ANK2: variants seen among roughly 807,000 people sequenced by gnomAD.
ANK2 encodes ankyrin-2.
ANK2 carries 83 observed loss-of-function variants against 360.5 expected under a neutral mutation model. That is an observed-to-expected ratio of 0.23 (90% CI 0.19 to 0.28). The LOEUF (loss-of-function observed/expected upper bound fraction) is 0.28. ANK2 is among the 10% of genes least tolerant of loss of function. The pLI is 1.00. For missense variants in ANK2, 4,201 were observed against 4,795.7 expected (o/e 0.88, Z 3.66); for synonymous variants, 1,740 against 1,759.5 (o/e 0.99, Z 0.28).
intron 1 of ANK2, among the ~76,000 whole-genome samples, chr4:113,095,879 C>A (rs2090827595): frequency 3.3e-5 from 5 of 152,230 alleles, no homozygotes; most frequent in Middle Eastern, 3.4e-3. Context: ...GTCTGGTGAG[C>A]CACTTCGTTG....
chr4:113,217,222 T>C (rs1186030440), intron 4 of ANK2: 2 of 152,118 alleles, frequency 1.3e-5, no homozygotes, highest in Non-Finnish European at 2.9e-5. Flanking sequence ...ATATGAGAAC[T>C]CCCATCTCTA....
At chr4:113,172,596 G>T (rs960331003) in intron 1 of ANK2, among the ~76,000 whole-genome samples, 1 of 152,094 alleles carries the variant, frequency 6.6e-6, no homozygotes, top group Non-Finnish European at 1.5e-5. Flanking sequence ...TAAACCCTCA[G>T]TAAATGTTAC....
At chr4:113,275,239 A>T (rs1252870322) in intron 15 of ANK2, among the ~76,000 whole-genome samples, 1 of 152,216 alleles carries the variant, frequency 6.6e-6, no homozygotes, top group African/African-American at 2.4e-5. Flanking sequence ...ATTGACATCG[A>T]GCAAAGAATT....
At chr4:113,212,348 T>A (rs1425504976) in intron 4 of ANK2, among the ~76,000 whole-genome samples, 1 of 152,242 alleles carries the variant, frequency 6.6e-6, no homozygotes, top group Non-Finnish European at 1.5e-5. Flanking sequence ...AGTAATTGAC[T>A]AAACATGGTA....
At chr4:113,023,124 TTAAAA>T (rs1481857773) in intron 2 of ANK2, among the ~76,000 whole-genome samples, 3 of 152,136 alleles carry the variant, frequency 2.0e-5, no homozygotes, top group African/African-American at 7.2e-5. Context: ...ATCCTGGAAC[TTAAAA>T]TAAAATAAAA....
intron 1 of ANK2, among the ~76,000 whole-genome samples, chr4:113,120,630 A>G (rs1179429428): frequency 6.6e-6 from 1 of 152,126 alleles, no homozygotes; most frequent in Non-Finnish European, 1.5e-5. Flanking sequence ...TCAGGGGTAC[A>G]TGTTCAGGAT....
intron 1 of ANK2, among the ~76,000 whole-genome samples, chr4:113,158,775 G>A (rs1362867305): frequency 6.6e-6 from 1 of 152,240 alleles, no homozygotes; most frequent in Admixed American, 6.5e-5. Context: ...TAGAGATGAG[G>A]TATCTATGGT....
intron 1 of ANK2, among the ~76,000 whole-genome samples, chr4:112,895,050 T>C (rs1407811807): frequency 6.6e-6 from 1 of 152,186 alleles, no homozygotes; most frequent in Non-Finnish European, 1.5e-5. Context: ...TTGTAAAGCC[T>C]CTCCTGATGG....
intron 2 of ANK2, among the ~76,000 whole-genome samples, chr4:113,006,910 C>A (rs1261705742): frequency 6.6e-6 from 1 of 152,032 alleles, no homozygotes; most frequent in African/African-American, 2.4e-5. Flanking sequence ...TGACACATTT[C>A]TCTGAAAATT....
rs34395279 is a variant in ANK2, at chr4:113,146,675, A to AT, written c.85-27729dup. Among the ~76,000 whole-genome samples, 1,108 of 146,338 alleles carry AT rather than the reference A, an allele frequency of 7.6e-3. 7 individuals are homozygous for AT. Among genetic ancestry groups the AT allele is most frequent in the African/African-American group, 0.025 (995 of 40,336 alleles). ...AAAATGGGTACAAAGGCTTATTGTG[A>AT]TTTTTTTTTTTTGGCCAGGAATCTC... On this transcript the variant is annotated intron_variant, in intron 1 of 45. Coordinates refer to ENST00000357077, the MANE Select transcript of ANK2 (RefSeq NM_001148.6).
chr4:113,018,492 G>A (rs938795985), intron 2 of ANK2, among the ~76,000 whole-genome samples: 1 of 152,236 alleles, frequency 6.6e-6, no homozygotes, highest in Non-Finnish European at 1.5e-5. Context: ...CTATTTGACA[G>A]CTTGCTAGTT....
chr4:113,371,210 A>C (rs2096727387), intron 43 of ANK2, among the ~76,000 whole-genome samples: 1 of 152,226 alleles, frequency 6.6e-6, no homozygotes, highest in African/African-American at 2.4e-5. Context: ...TGTTCACTGT[A>C]AGAATGAGAT....
intron 2 of ANK2, among the ~76,000 whole-genome samples, chr4:113,017,684 G>A (rs992864046): frequency 3.9e-5 from 6 of 152,264 alleles, no homozygotes; most frequent in East Asian, 1.9e-4. Context: ...TGTGCCAGTT[G>A]TTTTAAGTGC....
At position 113,357,478 on chromosome 4, in the gene ANK2, T is replaced by A. The variant is rs1469935132; in HGVS notation, c.8860T>A (p.Phe2954Ile). 5 of 1,614,134 alleles carry A rather than the reference T, an allele frequency of 3.1e-6. No individual in the cohort carries two copies. Among genetic ancestry groups the A allele is most frequent in the Non-Finnish European group, 4.2e-6 (5 of 1,179,988 alleles). ...TQTDANHTTSFHSSEVYSVTI... is the reference protein window; with the variant it reads ...TQTDANHTTSIHSSEVYSVTI... ...AACAGATGCAAATCACACCACAAGT[T>A]TTCACTCTTCTGAAGTGTATTCTGT... The change falls in exon 38 of 46, where the codon TTT becomes ATT. Residue 2954 changes from phenylalanine to isoleucine, a missense_variant. Around this residue, in one of 4 missense-constraint regions of ANK2, gnomAD observed 2,642 missense variants for 2,714.5 expected, o/e 0.97. Transcript: ENST00000357077.
At chr4:112,943,426 T>G (rs570220204) in intron 2 of ANK2, among the ~76,000 whole-genome samples, 1 of 151,840 alleles carries the variant, frequency 6.6e-6, no homozygotes, top group Non-Finnish European at 1.5e-5. Flanking sequence ...ATTGAACAAT[T>G]GCTGAAAAAA....
At chr4:113,068,730 G>A (rs1440445536) in intron 1 of ANK2, among the ~76,000 whole-genome samples, 1 of 152,120 alleles carries the variant, frequency 6.6e-6, no homozygotes, top group African/African-American at 2.4e-5. Flanking sequence ...AACAAAAAAG[G>A]TATGAAGTCA....
chr4:113,211,173 T>C (rs2099016817), intron 4 of ANK2, among the ~76,000 whole-genome samples: 1 of 152,220 alleles, frequency 6.6e-6, no homozygotes, highest in African/African-American at 2.4e-5. Flanking sequence ...GGAACTTCTA[T>C]TCACAGACAA....
At chr4:112,863,249 G>T (rs1298511397) in intron 1 of ANK2, among the ~76,000 whole-genome samples, 1 of 152,086 alleles carries the variant, frequency 6.6e-6, no homozygotes, top group Non-Finnish European at 1.5e-5. Context: ...ATGAAAATCT[G>T]AAGAGTCAAT....
intron 2 of ANK2, among the ~76,000 whole-genome samples, chr4:112,905,007 T>C (rs1324458814): frequency 6.6e-6 from 1 of 152,220 alleles, no homozygotes; most frequent in Non-Finnish European, 1.5e-5. Context: ...CTCCAGATTC[T>C]ACATTTAAAT....
Sources: gnomAD v4.1 joint callset for allele counts (sites outside exome capture counted in the v4.1 genomes callset) on GRCh38, gnomAD v4.1.1 for gene constraint, gnomAD v4.1.1 regional missense constraint, MANE v1.5 for transcripts, NCBI Gene and HGNC (gene_info 2026-07-23, HGNC 2026-07-21) for gene names.